Variants in SELENOP observed in about 807,000 individuals in gnomAD.
The protein encoded by SELENOP is selenoprotein P, plasma, 1.
SELENOP carries 36 observed loss-of-function variants against 41.0 expected under a neutral mutation model. That is an observed-to-expected ratio of 0.88 (90% CI 0.67 to 1.16). The LOEUF (loss-of-function observed/expected upper bound fraction) is 1.16, where lower values mean the gene tolerates loss of function less well. SELENOP is among the 50% of genes most tolerant of loss of function. The pLI is 0.00. For missense variants in SELENOP, 440 were observed against 454.2 expected, an observed-to-expected ratio of 0.97 and a Z score of 0.28; for synonymous variants, 144 against 150.8, an observed-to-expected ratio of 0.95 and a Z score of 0.33.
In SELENOP at chr5:42,801,179, T is replaced by C; in HGVS notation, c.687A>G (p.Pro229=). 6.2e-7 allele frequency: 1 copy of C among 1,614,214 alleles called. No homozygotes were observed. Among genetic ancestry groups the C allele is most frequent in the Non-Finnish European group, 8.5e-7 (1 of 1,180,036 alleles). ...GSSELSENQQ[P]GAPNAPTHPA... ...GATGAGTAGGAGCATTTGGTGCTCCTGGTTGCTGATTCTCTGAAAGCTCAC... is the reference window on the plus strand; with the variant it reads ...GATGAGTAGGAGCATTTGGTGCTCCCGGTTGCTGATTCTCTGAAAGCTCAC... Residue 229 remains proline, a synonymous_variant, in exon 5 of 5, where the codon CCA becomes CCG. Coordinates refer to ENST00000514985, the MANE Select transcript of SELENOP (RefSeq NM_005410.4).
rs1412984228 is a variant in SELENOP at position 42,800,636 on chromosome 5, G to T, written c.*84C>A. On this transcript the variant is annotated 3_prime_UTR_variant, in exon 5 of 5. Transcript: ENST00000514985. ...TGCACAAATCTAATTTCTATTTTTG[G>T]TTCACTAATTTGGTAGTTTATAAAA... The T allele has an allele frequency of 6.9e-7, 1 of 1,439,380 alleles. No homozygotes were observed. The highest frequency in any genetic ancestry group is 9.3e-7 in the Non-Finnish European group (1 of 1,073,062). 89.2% of individuals were successfully genotyped at this position (1,439,380 alleles called of 1,614,324 possible). A position where few individuals can be genotyped will look rare whatever the true frequency, so the allele number is the denominator to read the frequency against.
At chr5:42,808,919 CA>C (rs35616713) in intron 1 of SELENOP, among the ~76,000 whole-genome samples, 35,041 of 104,486 alleles carry the variant, frequency 0.34, 4,246 homozygotes, top group Admixed American at 0.46. Context: ...GACTCTGTCT[CA>C]AAAAAAAAAA....
At chr5:42,801,514 C>A in intron 4 of SELENOP, 183 bp from the exon 5 acceptor site, 5 of 530,694 alleles carry the variant, frequency 9.4e-6, no homozygotes, top group Non-Finnish European at 9.7e-6. Context: ...TTATTAAAGG[C>A]TTAAAAAGAA....
rs6413428 is a variant in SELENOP, at chr5:42,800,622, A to G, written c.*98T>C. On this transcript the variant is annotated 3_prime_UTR_variant, in exon 5 of 5. Transcript: ENST00000514985. ...GATTTCTCCATGTTTGCACAAATCT[A>G]ATTTCTATTTTTGGTTCACTAATTT... The G allele has an allele frequency of 0.24, 324,606 of 1,378,504 alleles. 41,137 individuals are homozygous for G. Among genetic ancestry groups the G allele is most frequent in the African/African-American group, 0.35 (24,043 of 69,316 alleles). 85.4% of individuals were successfully genotyped at this position (1,378,504 alleles called of 1,614,324 possible).
intron 4 of SELENOP, among the ~76,000 whole-genome samples, chr5:42,803,923 T>TA (rs1760267315): frequency 6.6e-6 from 1 of 152,134 alleles, no homozygotes; most frequent in Non-Finnish European, 1.5e-5. Flanking sequence ...TTCAATAAAT[T>TA]AAGTAGTTTC....
At position 42,800,513 on chromosome 5, in the gene SELENOP, C is replaced by T. The variant is rs1760158872; in HGVS notation, c.*207G>A. On this transcript the variant is annotated 3_prime_UTR_variant, in exon 5 of 5. Coordinates refer to ENST00000514985, the MANE Select transcript of SELENOP (RefSeq NM_005410.4). ...CATATTAACCAAAAGCTGCAATCAC[C>T]TTTCAGTTGCTCCATCATAAAAAAT... 1 of 556,902 alleles carries T rather than the reference C, an allele frequency of 1.8e-6. No individual in the cohort carries two copies. The highest frequency in any genetic ancestry group is 3.6e-5 in the Admixed American group (1 of 27,474). The allele number at this position is 556,902 out of a possible 1,614,324, so 34.5% of individuals were successfully genotyped here.
intron 3 of SELENOP, 133 bp from the exon 4 acceptor site, chr5:42,804,906 TTGGA>T (rs1280592415): frequency 1.9e-6 from 1 of 533,446 alleles, no homozygotes; most frequent in Non-Finnish European, 3.3e-6. Flanking sequence ...CTAAATTTCT[TTGGA>T]TGAGAGCTAC....
In SELENOP at chr5:42,808,336, C is replaced by A; in HGVS notation, c.18G>T (p.Gly6=). The change falls in exon 2 of 5, where the codon GGG becomes GGT. Residue 6 remains glycine (G), a synonymous_variant. Coordinates refer to ENST00000514985, the MANE Select transcript of SELENOP (RefSeq NM_005410.4). MWRSL[G]LALALCLLPS... Reference sequence around the variant, plus strand: ...GGAGGAGACAGAGAGCCAGGGCAAGCCCCAGGCTTCTCCACATTGCTGGGG... The same window carrying A: ...GGAGGAGACAGAGAGCCAGGGCAAGACCCAGGCTTCTCCACATTGCTGGGG... 1 of 1,415,054 alleles carries A rather than the reference C, an allele frequency of 7.1e-7. No individual in the cohort carries two copies. Among genetic ancestry groups the A allele is most frequent in the South Asian group, 1.7e-5 (1 of 58,974 alleles). The allele number at this position is 1,415,054 out of a possible 1,614,324, so 87.7% of individuals were successfully genotyped here.
At chr5:42,802,901 A>C (rs1053972830) in intron 4 of SELENOP, among the ~76,000 whole-genome samples, 1 of 152,112 alleles carries the variant, frequency 6.6e-6, no homozygotes, top group Non-Finnish European at 1.5e-5. Flanking sequence ...GGGCCACCGC[A>C]CCCTGCCAGT....
chr5:42,801,487 C>G (rs1168569851), intron 4 of SELENOP, 156 bp from the exon 5 acceptor site: 2 of 574,992 alleles, frequency 3.5e-6, no homozygotes, highest in South Asian at 2.7e-5. Flanking sequence ...TGATGTTAGT[C>G]TCAACACCTA....
Position 42,806,888 on chromosome 5 carries a change from G to T in SELENOP, c.416+8C>A. 6.4e-7 allele frequency: 1 copy of T among 1,552,460 alleles called. No individual in the cohort carries two copies. The highest frequency in any genetic ancestry group is 8.9e-7 in the Non-Finnish European group (1 of 1,127,410). ...AAATTTGGGATGTGTTTGTGTGTAT[G>T]TACAAACCTATCATATATGAGGAAG... is the stretch of plus-strand genomic sequence containing the variant. On this transcript the variant is annotated splice_region_variant and intron_variant, in intron 3 of 4. Transcript: ENST00000514985.
chr5:42,808,975 G>A (rs990670588), intron 1 of SELENOP, among the ~76,000 whole-genome samples: 4 of 151,420 alleles, frequency 2.6e-5, no homozygotes, highest in Non-Finnish European at 5.9e-5. Context: ...ATTCTGCACA[G>A]AAATGAAAAG....
chr5:42,811,076 T>C (rs1760448563), intron 1 of SELENOP, among the ~76,000 whole-genome samples: 1 of 152,232 alleles, frequency 6.6e-6, no homozygotes, highest in Non-Finnish European at 1.5e-5. Flanking sequence ...TAAATTTCAC[T>C]ATGTCACCAC....
intron 1 of SELENOP, among the ~76,000 whole-genome samples, chr5:42,811,349 C>G (rs1307752603): frequency 6.6e-6 from 1 of 152,182 alleles, no homozygotes; most frequent in African/African-American, 2.4e-5. Flanking sequence ...GTGGACTGAA[C>G]CTACTGTACC....
At position 42,804,632 on chromosome 5, in the gene SELENOP, C is replaced by G. The variant is rs768141315; in HGVS notation, c.534+24G>C. The G allele has an allele frequency of 3.0e-6, 4 of 1,339,952 alleles. No individual in the cohort carries two copies. The African/African-American group carries it at 4.4e-5, about 15-fold the overall frequency. 83.0% of individuals were successfully genotyped at this position (1,339,952 alleles called of 1,614,324 possible). Reference sequence around the variant, plus strand: ...CTTAAAAGATTTCCTCTTTTCTCCCCAGAAAAATAATTCAGAAAAATACCG... The same window carrying G: ...CTTAAAAGATTTCCTCTTTTCTCCCGAGAAAAATAATTCAGAAAAATACCG... On this transcript the variant is annotated intron_variant, in intron 4 of 4. Transcript: ENST00000514985.
Position 42,800,891 on chromosome 5 carries a change from T to C in SELENOP, c.975A>G (p.Pro325=). ...GAAGTCCCTGTCAGCTACATAAAGA[T>C]GGGAGGTTTTCTTTACACTGTCAGG... ...AITUQCKENL[P]SLCSUQGLRA... Residue 325 remains proline, a synonymous_variant, in exon 5 of 5, where the codon CCA becomes CCG. Coordinates refer to ENST00000514985, the MANE Select transcript of SELENOP (RefSeq NM_005410.4). The C allele has an allele frequency of 1.9e-6, 3 of 1,614,182 alleles. No individual in the cohort carries two copies. The highest frequency in any genetic ancestry group is 2.5e-6 in the Non-Finnish European group (3 of 1,180,024).
At position 42,808,380 on chromosome 5, in the gene SELENOP, A is replaced by T; in HGVS notation, c.-13-14T>A. 1 of 1,154,942 alleles carries T rather than the reference A, an allele frequency of 8.7e-7. No individual in the cohort carries two copies. The highest frequency in any genetic ancestry group is 1.1e-6 in the Non-Finnish European group (1 of 873,594). The allele number at this position is 1,154,942 out of a possible 1,614,324, so 71.5% of individuals were successfully genotyped here. ...GCTGGGGTTGTCCTGTAAAAGAGAA[A>T]ACCTGTCACTCTTCTTCATAGTTAA... On this transcript the variant is annotated splice_polypyrimidine_tract_variant and intron_variant, in intron 1 of 4. Coordinates refer to ENST00000514985, the MANE Select transcript of SELENOP (RefSeq NM_005410.4).
chr5:42,810,903 CATT>C (rs1331455494), intron 1 of SELENOP: 5 of 271,144 alleles, frequency 1.8e-5, no homozygotes, highest in Non-Finnish European at 2.3e-5. Context: ...TTTCTTCTGT[CATT>C]ATAATCAACA....
intron 1 of SELENOP, chr5:42,810,866 T>C: frequency 1.5e-6 from 1 of 647,390 alleles, no homozygotes; most frequent in Non-Finnish European, 2.0e-6. Flanking sequence ...GGCAGAGAGT[T>C]GTAGCTTAAG....
Sources: gnomAD v4.1 joint callset for allele counts (sites outside exome capture counted in the v4.1 genomes callset) on GRCh38, gnomAD v4.1.1 for gene constraint, MANE v1.5 for transcripts, NCBI Gene and HGNC (gene_info 2026-07-23, HGNC 2026-07-21) for gene names.